ZNF804B: variants seen among roughly 807,000 people sequenced by gnomAD.
The protein encoded by ZNF804B is zinc finger protein 804B.
ZNF804B carries 80 observed loss-of-function variants against 101.4 expected under a neutral mutation model. That is an observed-to-expected ratio of 0.79 (90% CI 0.66 to 0.95). The LOEUF is 0.95. ZNF804B is among the 40% of genes least tolerant of loss of function. The pLI, the probability that ZNF804B is intolerant of heterozygous loss-of-function variation, is 0.00. For synonymous variants in ZNF804B, 622 were observed against 558.8 expected (o/e 1.11, Z -1.59); for missense variants, 1,673 against 1,561.9 (o/e 1.07, Z -1.20).
Position 89,002,299 on chromosome 7 carries a change from AT to A in ZNF804B, c.109-215853del, listed in dbSNP as rs558254291. ...TAGTTAAGCTAGAAATAAAATATAG[AT>A]TTATTGATACTCACATTGAAAAATA... On this transcript the variant is annotated intron_variant, in intron 1 of 3. Coordinates refer to ENST00000333190, the MANE Select transcript of ZNF804B (RefSeq NM_181646.5). Among the ~76,000 whole-genome samples, 176 of 151,972 alleles carry A rather than the reference AT, an allele frequency of 1.2e-3. 3 individuals are homozygous for A. In the Middle Eastern group the frequency reaches 0.015, roughly 13 times the overall value.
At chr7:88,817,307 C>T (rs1397131944) in intron 1 of ZNF804B, among the ~76,000 whole-genome samples, 1 of 152,032 alleles carries the variant, frequency 6.6e-6, no homozygotes. Context: ...GTGCAGCACA[C>T]CAACATGGCA....
intron 2 of ZNF804B, among the ~76,000 whole-genome samples, chr7:89,267,655 T>C (rs1413476491): frequency 6.6e-6 from 1 of 152,178 alleles, no homozygotes; most frequent in African/African-American, 2.4e-5. Context: ...TTAATGGTTC[T>C]TAAGTTCTTG....
At chr7:88,881,410 A>G (rs928552285) in intron 1 of ZNF804B, among the ~76,000 whole-genome samples, 7 of 152,110 alleles carry the variant, frequency 4.6e-5, no homozygotes, top group African/African-American at 1.4e-4. Context: ...TTCTTCACCA[A>G]TATTTGTTAG....
intron 1 of ZNF804B, among the ~76,000 whole-genome samples, chr7:88,817,275 A>T (rs1652426456): frequency 6.6e-6 from 1 of 152,182 alleles, no homozygotes; most frequent in Non-Finnish European, 1.5e-5. Context: ...AGATATACTT[A>T]ATGTAAATAA....
intron 1 of ZNF804B, among the ~76,000 whole-genome samples, chr7:89,107,509 C>A (rs1044156964): frequency 2.6e-5 from 4 of 152,106 alleles, no homozygotes; most frequent in African/African-American, 9.7e-5. Flanking sequence ...TTATCCGTAG[C>A]TGAGAATAAT....
At chr7:88,858,246 A>G (rs1159142618) in intron 1 of ZNF804B, among the ~76,000 whole-genome samples, 1 of 152,154 alleles carries the variant, frequency 6.6e-6, no homozygotes, top group Non-Finnish European at 1.5e-5. Context: ...CTTGCTGGGT[A>G]TTACTTTCCT....
chr7:89,103,338 T>C lies in ZNF804B; in HGVS notation c.109-114817T>C, dbSNP rs534188245. Among the ~76,000 whole-genome samples, 33 of 151,794 alleles carry C rather than the reference T, an allele frequency of 2.2e-4. 1 individual carries two copies. The South Asian group carries it at 6.9e-3, about 32-fold the overall frequency. ...GGGTAATGTGGTTATTTTAATGATA[T>C]TGATTCTTCCAATCAATGAACATTG... On this transcript the variant is annotated intron_variant, in intron 1 of 3. Transcript: ENST00000333190.
At chr7:88,979,673 A>C (rs1793668312) in intron 1 of ZNF804B, among the ~76,000 whole-genome samples, 1 of 149,532 alleles carries the variant, frequency 6.7e-6, no homozygotes, top group South Asian at 2.1e-4. Flanking sequence ...TTGATTATTA[A>C]GTATCTTGAG....
At chr7:89,140,690 C>G (rs1423988995) in intron 1 of ZNF804B, among the ~76,000 whole-genome samples, 2 of 152,040 alleles carry the variant, frequency 1.3e-5, no homozygotes, top group Admixed American at 6.6e-5. Context: ...GAGTTATGGC[C>G]TTGCTCTAGA....
intron 2 of ZNF804B, among the ~76,000 whole-genome samples, chr7:89,254,150 G>A (rs979256054): frequency 2.6e-5 from 4 of 151,786 alleles, no homozygotes; most frequent in East Asian, 1.9e-4. Flanking sequence ...TAGCTAGTGC[G>A]GTGAGATAGG....
At chr7:89,038,491 G>T (rs552136916) in intron 1 of ZNF804B, among the ~76,000 whole-genome samples, 1 of 152,014 alleles carries the variant, frequency 6.6e-6, no homozygotes, top group Non-Finnish European at 1.5e-5. Context: ...CAGGTCCTTT[G>T]CTCAGTTTTT....
At chr7:88,962,708 C>CATATATAT (rs71120046) in intron 1 of ZNF804B, among the ~76,000 whole-genome samples, 1,152 of 83,888 alleles carry the variant, frequency 0.014, 25 homozygotes, top group Middle Eastern at 0.02. Context: ...GTTAAACTCA[C>CATATATAT]ATATATATAT....
At chr7:89,114,945 G>A (rs138750661) in intron 1 of ZNF804B, among the ~76,000 whole-genome samples, 154 of 152,296 alleles carry the variant, frequency 1.0e-3, no homozygotes, top group African/African-American at 3.3e-3. Flanking sequence ...AGCTTTACAC[G>A]TTTATAGAGA....
At chr7:89,020,745 G>GT (rs1235560241) in intron 1 of ZNF804B, among the ~76,000 whole-genome samples, 2 of 151,890 alleles carry the variant, frequency 1.3e-5, no homozygotes, top group Non-Finnish European at 2.9e-5. Flanking sequence ...GGCTTTCTTT[G>GT]TTTTTTATTC....
chr7:88,830,537 T>A (rs1791117026), intron 1 of ZNF804B, among the ~76,000 whole-genome samples: 2 of 152,180 alleles, frequency 1.3e-5, no homozygotes, highest in East Asian at 1.9e-4. Context: ...CATCTTTTTT[T>A]AAACTTTTAT....
intron 1 of ZNF804B, among the ~76,000 whole-genome samples, chr7:88,762,527 T>C (rs1479742554): frequency 6.6e-6 from 1 of 152,200 alleles, no homozygotes; most frequent in Non-Finnish European, 1.5e-5. Context: ...AATTGCAAAA[T>C]ATGAAACTGT....
chr7:89,256,832 C>G (rs2115802381), intron 2 of ZNF804B, among the ~76,000 whole-genome samples: 1 of 152,292 alleles, frequency 6.6e-6, no homozygotes, highest in Non-Finnish European at 1.5e-5. Context: ...GTGCAGCTGG[C>G]TACAACAGAG....
intron 1 of ZNF804B, among the ~76,000 whole-genome samples, chr7:88,839,947 G>C (rs761156497): frequency 5.3e-5 from 8 of 152,008 alleles, no homozygotes; most frequent in Non-Finnish European, 1.2e-4. Flanking sequence ...TTGGCTCCTT[G>C]GGTGCTAGCC....
At chr7:88,801,318 T>C (rs1165359385) in intron 1 of ZNF804B, among the ~76,000 whole-genome samples, 2 of 151,048 alleles carry the variant, frequency 1.3e-5, no homozygotes, top group African/African-American at 2.4e-5. Context: ...AAAAAAAAAG[T>C]AACTTGGAAG....
Sources: gnomAD v4.1 joint callset for allele counts (sites outside exome capture counted in the v4.1 genomes callset) on GRCh38, gnomAD v4.1.1 for gene constraint, MANE v1.5 for transcripts, NCBI Gene and HGNC (gene_info 2026-07-23, HGNC 2026-07-21) for gene names.